INPP5A: variants seen among roughly 807,000 people sequenced by gnomAD.
INPP5A encodes inositol polyphosphate-5-phosphatase A.
INPP5A carries 14 observed loss-of-function variants against 65.2 expected under a neutral mutation model. That is an observed-to-expected ratio of 0.21 (90% CI 0.14 to 0.34). The LOEUF is 0.34. Ranked by LOEUF, INPP5A falls within the 10% of genes least tolerant of loss-of-function variation. The pLI, the probability that INPP5A is intolerant of heterozygous loss-of-function variation, is 1.00. For missense variants in INPP5A, 431 were observed against 545.6 expected (o/e 0.79, Z 2.09); for synonymous variants, 207 against 208.3 (o/e 0.99, Z 0.05).
chr10:132,567,963 C>T (rs375713226), intron 1 of INPP5A, among the ~76,000 whole-genome samples: 1 of 151,780 alleles, frequency 6.6e-6, no homozygotes, highest in Non-Finnish European at 1.5e-5. Context: ...GAGGCCGAGG[C>T]GGGCGGATCA....
At chr10:132,709,501 G>T (rs886412041) in intron 7 of INPP5A, among the ~76,000 whole-genome samples, 1 of 152,128 alleles carries the variant, frequency 6.6e-6, no homozygotes, top group Non-Finnish European at 1.5e-5. Context: ...CAGGCTGCAG[G>T]CTGCCCTTTG....
At chr10:132,743,837 GCCGGCC>G (rs550151404) in intron 9 of INPP5A, among the ~76,000 whole-genome samples, 139 of 152,276 alleles carry the variant, frequency 9.1e-4, no homozygotes, top group Non-Finnish European at 1.6e-3. Context: ...ACCCTCCAAG[GCCGGCC>G]CCGGGGCTCA....
Position 132,650,792 on chromosome 10 carries a change from C to T in INPP5A, c.306+287C>T, listed in dbSNP as rs144997892. On this transcript the variant is annotated intron_variant, in intron 4 of 15. Coordinates refer to ENST00000368594, the MANE Select transcript of INPP5A (RefSeq NM_005539.5). The surrounding 1 kb of genome is among the most constrained non-coding windows in gnomAD (Gnocchi z 5.5). ...GGTGGGGAGAGGCCCAGGGCCTCAG[C>T]GTGCATGAAAATAAGAGGGAGTCCG... Among the ~76,000 whole-genome samples the T allele has an allele frequency of 2.6e-5, 4 of 152,076 alleles. No individual in the cohort carries two copies. The highest frequency in any genetic ancestry group is 4.8e-5 in the African/African-American group (2 of 41,412).
intron 2 of INPP5A, among the ~76,000 whole-genome samples, chr10:132,624,459 AGCGTGTCTGCACTTCCCACCG>A (rs1317557880): frequency 0.073 from 10,978 of 149,894 alleles, 445 homozygotes; most frequent in African/African-American, 0.094. Flanking sequence ...ACTTCCCACC[AGCGTGTCTGCACTTCCCACCG>A]GCGTGTCTGC....
At chr10:132,581,963 G>A (rs1243430797) in intron 1 of INPP5A, among the ~76,000 whole-genome samples, 4 of 151,932 alleles carry the variant, frequency 2.6e-5, no homozygotes, top group Non-Finnish European at 2.9e-5. Context: ...TCAGCTTCCC[G>A]AGTAGCTGGG....
chr10:132,736,894 G>T (rs1846186365), intron 9 of INPP5A, among the ~76,000 whole-genome samples: 1 of 152,246 alleles, frequency 6.6e-6, no homozygotes, highest in Non-Finnish European at 1.5e-5. Context: ...GACCTCATCT[G>T]GTTACCGGCT....
At chr10:132,682,758 TG>T (rs1267378681) in intron 4 of INPP5A, among the ~76,000 whole-genome samples, 2 of 150,936 alleles carry the variant, frequency 1.3e-5, no homozygotes, top group Non-Finnish European at 3.0e-5. Context: ...CCAGCAATGC[TG>T]TGTATTATAT....
intron 8 of INPP5A, among the ~76,000 whole-genome samples, chr10:132,715,428 T>G (rs1845723511): frequency 1.3e-5 from 2 of 152,240 alleles, no homozygotes. Context: ...TCAAAAGAGT[T>G]GTTTCATGCT....
rs939493736 is a variant in INPP5A, at chr10:132,575,188, G to T, written c.76-32727G>T. On this transcript the variant is annotated intron_variant, in intron 1 of 15. Transcript: ENST00000368594. The surrounding 1 kb of genome is among the most constrained non-coding windows in gnomAD (Gnocchi z 5.4). ...CTGCATTCTTCCTCCGCAGGCTGGC[G>T]TTTGCACCGGCCTGGACACATCGCA... is the stretch of plus-strand genomic sequence containing the variant. Among the ~76,000 whole-genome samples, 10 of 152,316 alleles carry T rather than the reference G, an allele frequency of 6.6e-5. No individual in the cohort carries two copies. The highest frequency in any genetic ancestry group is 7.4e-5 in the Non-Finnish European group (5 of 68,024).
Position 132,727,019 on chromosome 10 carries a change from T to G in INPP5A, c.732+114T>G. On this transcript the variant is annotated intron_variant, in intron 9 of 15. Coordinates refer to ENST00000368594, the MANE Select transcript of INPP5A (RefSeq NM_005539.5). This position sits in a 1 kb window ranked among gnomAD's most constrained non-coding sequence, Gnocchi z 6.5. Reference sequence around the variant, plus strand: ...TTTCAATGCCATCCGCCTCCCGGGATGCACTTTTTAAGGCAAAACCTTTCA... The same window carrying G: ...TTTCAATGCCATCCGCCTCCCGGGAGGCACTTTTTAAGGCAAAACCTTTCA... 1.6e-6 allele frequency: 1 copy of G among 639,062 alleles called. No homozygotes were observed. The allele number at this position is 639,062 out of a possible 1,614,324, so 39.6% of individuals were successfully genotyped here. A position where few individuals can be genotyped will look rare whatever the true frequency, so the allele number is the denominator to read the frequency against.
At chr10:132,666,097 C>G (rs145340996) in intron 4 of INPP5A, among the ~76,000 whole-genome samples, 1 of 151,504 alleles carries the variant, frequency 6.6e-6, no homozygotes, top group Admixed American at 6.6e-5. Context: ...CCACATTAGT[C>G]CTTTACCAGG....
At position 132,707,558 on chromosome 10, in the gene INPP5A, C is replaced by T. The variant is rs551243411; in HGVS notation, c.475-755C>T. 6.6e-6 allele frequency among the ~76,000 whole-genome samples: 1 copy of T among 152,188 alleles called. No homozygotes were observed. Among genetic ancestry groups the T allele is most frequent in the Non-Finnish European group, 1.5e-5 (1 of 68,034 alleles). ...CACGCTCGGTGGCCCCGGTGGCTGG[C>T]CACTGCTGTACTGGGTGGCCCAGCA... On this transcript the variant is annotated intron_variant, in intron 6 of 15. Coordinates refer to ENST00000368594, the MANE Select transcript of INPP5A (RefSeq NM_005539.5). The surrounding 1 kb of genome is among the most constrained non-coding windows in gnomAD (Gnocchi z 5.5).
intron 2 of INPP5A, among the ~76,000 whole-genome samples, chr10:132,611,211 G>C (rs1005934157): frequency 6.8e-6 from 1 of 146,560 alleles, no homozygotes. Context: ...GGAGTTCATG[G>C]GAGAGGCCTG....
In INPP5A at chr10:132,555,358, C is replaced by T. The variant is rs548425710; in HGVS notation, c.75+17187C>T. Reference sequence around the variant, plus strand: ...GAGTACGTTCACCCCATTTTACAGGCGCTGGCCCAGTGGAGCTGCTGGGGC... The same window carrying T: ...GAGTACGTTCACCCCATTTTACAGGTGCTGGCCCAGTGGAGCTGCTGGGGC... On this transcript the variant is annotated intron_variant, in intron 1 of 15. Coordinates refer to ENST00000368594, the MANE Select transcript of INPP5A (RefSeq NM_005539.5). The surrounding 1 kb of genome is among the most constrained non-coding windows in gnomAD (Gnocchi z 4.4). Among the ~76,000 whole-genome samples the T allele has an allele frequency of 2.0e-5, 3 of 152,126 alleles. No homozygotes were observed. Among genetic ancestry groups the T allele is most frequent in the East Asian group, 3.9e-4 (2 of 5,182 alleles).
intron 2 of INPP5A, among the ~76,000 whole-genome samples, chr10:132,642,143 C>T (rs116438578): frequency 0.01 from 1,556 of 151,828 alleles, 31 homozygotes; most frequent in African/African-American, 0.036. Flanking sequence ...AGCTCGTCTG[C>T]GGTCTGGGGA....
In INPP5A at chr10:132,575,983, C is replaced by T. The variant is rs545239494; in HGVS notation, c.76-31932C>T. Among the ~76,000 whole-genome samples, 7 of 152,302 alleles carry T rather than the reference C, an allele frequency of 4.6e-5. No individual in the cohort carries two copies. The East Asian group carries it at 1.4e-3, about 29-fold the overall frequency. ...CGAGTACTTTCTGGGGAAATGATTT[C>T]ACCCACTGCCCCCTGCCCACATCCC... On this transcript the variant is annotated intron_variant, in intron 1 of 15. Coordinates refer to ENST00000368594, the MANE Select transcript of INPP5A (RefSeq NM_005539.5). This position sits in a 1 kb window ranked among gnomAD's most constrained non-coding sequence, Gnocchi z 5.4.
rs551486915 is a variant in INPP5A, at chr10:132,720,026, C to T, written c.648-6795C>T. 2.8e-4 allele frequency among the ~76,000 whole-genome samples: 41 copies of T among 145,272 alleles called. 1 individual carries two copies. Among genetic ancestry groups the T allele is most frequent in the African/African-American group, 6.4e-4 (25 of 38,990 alleles). On this transcript the variant is annotated intron_variant, in intron 8 of 15. Coordinates refer to ENST00000368594, the MANE Select transcript of INPP5A (RefSeq NM_005539.5). ...CTGTGGTGCCTGGGTTCTGTCTGGG[C>T]GCCTTAGACGGCTGTCTTGTGGGTT...
intron 9 of INPP5A, among the ~76,000 whole-genome samples, chr10:132,730,866 A>G (rs936201294): frequency 6.6e-6 from 1 of 152,110 alleles, no homozygotes; most frequent in African/African-American, 2.4e-5. Context: ...CAGGAACCCG[A>G]TTTTTCACTT....
chr10:132,570,823 G>A (rs2071331817), intron 1 of INPP5A, among the ~76,000 whole-genome samples: 1 of 152,236 alleles, frequency 6.6e-6, no homozygotes, highest in East Asian at 1.9e-4. Flanking sequence ...ACAGCAGGAG[G>A]TGGGGGTGTT....
Sources: allele counts gnomAD v4.1 joint callset (sites outside exome capture counted in the v4.1 genomes callset), GRCh38; gene constraint gnomAD v4.1.1; non-coding constraint Gnocchi (gnomAD v3.1); transcripts MANE v1.5; gene names NCBI Gene and HGNC (gene_info 2026-07-23, HGNC 2026-07-21).